Variants in JAK1 observed in about 807,000 individuals in gnomAD.
JAK1 encodes Janus kinase 1.
A neutral mutation model predicts 136.6 loss-of-function variants in JAK1; 16 were observed. The ratio of observed to expected loss-of-function variants is 0.12; its 90% CI spans 0.08 to 0.18. The LOEUF is 0.18. Ranked by LOEUF, JAK1 falls within the 10% of genes least tolerant of loss-of-function variation. JAK1 has a pLI of 1.00. For missense variants in JAK1, 859 were observed against 1,450.1 expected, an observed-to-expected ratio of 0.59 and a Z score of 6.62; for synonymous variants, 492 against 519.5, an observed-to-expected ratio of 0.95 and a Z score of 0.72.
intron 1 of JAK1, among the ~76,000 whole-genome samples, chr1:64,952,959 C>T (rs761608563): frequency 1.1e-4 from 17 of 152,178 alleles, no homozygotes; most frequent in Non-Finnish European, 2.4e-4. Flanking sequence ...AACTTGCCCA[C>T]GATCACTCAG....
chr1:64,965,925 GCT>G (rs1557732449), intron 1 of JAK1, among the ~76,000 whole-genome samples: 4 of 152,154 alleles, frequency 2.6e-5, no homozygotes, highest in African/African-American at 4.8e-5. Context: ...CCGGCCGGGA[GCT>G]GGCGGTCAAG....
chr1:65,002,031 T>C (rs1417544144), intron 2 of JAK1, among the ~76,000 whole-genome samples: 1 of 151,952 alleles, frequency 6.6e-6, no homozygotes, highest in African/African-American at 2.4e-5. Flanking sequence ...GTTAAAACTA[T>C]CTTATTTCAT....
intron 2 of JAK1, chr1:64,987,727 G>T (rs1313290355): frequency 6.6e-6 from 1 of 152,226 alleles, no homozygotes; most frequent in Non-Finnish European, 1.5e-5. Flanking sequence ...AGTGTGGTCA[G>T]TTTCAGGCAG....
At chr1:64,945,059 T>C (rs1645959840) in intron 1 of JAK1, among the ~76,000 whole-genome samples, 2 of 151,722 alleles carry the variant, frequency 1.3e-5, no homozygotes, top group African/African-American at 4.8e-5. Context: ...GCAGAACCCC[T>C]AGTCGCATAT....
chr1:65,063,064 C>T (rs143155242), intron 1 of JAK1, among the ~76,000 whole-genome samples: 5 of 152,310 alleles, frequency 3.3e-5, no homozygotes, highest in African/African-American at 9.6e-5. Flanking sequence ...CCTCTATTCA[C>T]GTTAGCATTG....
intron 1 of JAK1, among the ~76,000 whole-genome samples, chr1:65,055,001 T>C (rs1569960468): frequency 6.6e-6 from 1 of 152,232 alleles, no homozygotes; most frequent in Admixed American, 6.5e-5. Context: ...GTTATTATCC[T>C]GAATCTCTTT....
intron 1 of JAK1, among the ~76,000 whole-genome samples, chr1:64,962,048 G>A (rs1372276566): frequency 1.3e-5 from 2 of 152,314 alleles, no homozygotes; most frequent in African/African-American, 2.4e-5. Context: ...GCCATGAAGG[G>A]TTCTAGGAAA....
chr1:64,931,921 T>C (rs1212071569), intron 1 of JAK1, among the ~76,000 whole-genome samples: 1 of 151,812 alleles, frequency 6.6e-6, no homozygotes, highest in Admixed American at 6.6e-5. Flanking sequence ...GAAACCTAAA[T>C]GTATTTTTTA....
chr1:65,034,638 C>T (rs1647053654), intron 2 of JAK1, among the ~76,000 whole-genome samples: 1 of 152,078 alleles, frequency 6.6e-6, no homozygotes, highest in Admixed American at 6.5e-5. Flanking sequence ...TTGTTTTTCA[C>T]TTAAAAAAAA....
chr1:64,997,989 C>T (rs1646719475), intron 2 of JAK1, among the ~76,000 whole-genome samples: 1 of 151,986 alleles, frequency 6.6e-6, no homozygotes, highest in Non-Finnish European at 1.5e-5. Context: ...ACAAACTTTT[C>T]CAAACAGATC....
intron 2 of JAK1, among the ~76,000 whole-genome samples, chr1:65,015,989 T>C (rs1032841658): frequency 1.3e-5 from 2 of 152,184 alleles, no homozygotes; most frequent in Admixed American, 1.3e-4. Context: ...GGTATATACA[T>C]ACAATGGAAT....
intron 2 of JAK1, chr1:64,993,197 C>T (rs1646673873): frequency 6.6e-6 from 1 of 152,192 alleles, no homozygotes; most frequent in South Asian, 2.1e-4. Flanking sequence ...CACAATGTTG[C>T]ATACATGTTT....
intron 2 of JAK1, among the ~76,000 whole-genome samples, chr1:65,022,535 G>C (rs1324005227): frequency 1.3e-5 from 2 of 152,184 alleles, no homozygotes; most frequent in African/African-American, 2.4e-5. Flanking sequence ...ATAAGGCTGG[G>C]AGGTGGGGTG....
At position 64,834,012 on chromosome 1, in the gene JAK1, T is replaced by C. The variant is rs775649568; in HGVS notation, c.*550A>G. 10 of 232,808 alleles carry C rather than the reference T, an allele frequency of 4.3e-5. No homozygotes were observed. Among genetic ancestry groups the C allele is most frequent in the Non-Finnish European group, 7.6e-5 (9 of 117,838 alleles). The allele number at this position is 232,808 out of a possible 1,614,324, so 14.4% of individuals were successfully genotyped here. A position where few individuals can be genotyped will look rare whatever the true frequency, so the allele number is the denominator to read the frequency against. On this transcript the variant is annotated 3_prime_UTR_variant, in exon 25 of 25. Transcript: ENST00000342505. ...AGTTTAAGTCCTACTGGTGAGAGAATACAGTCATTTTTGTACAGAAACAAT... is the reference window on the plus strand; with the variant it reads ...AGTTTAAGTCCTACTGGTGAGAGAACACAGTCATTTTTGTACAGAAACAAT...
At chr1:64,933,558 C>CA (rs1200487673) in intron 1 of JAK1, among the ~76,000 whole-genome samples, 1 of 152,214 alleles carries the variant, frequency 6.6e-6, no homozygotes, top group Non-Finnish European at 1.5e-5. Flanking sequence ...TCTGCACCAT[C>CA]CCCTCAGCAA....
chr1:65,020,657 AT>A (rs1646930581), intron 2 of JAK1, among the ~76,000 whole-genome samples: 1 of 152,238 alleles, frequency 6.6e-6, no homozygotes, highest in South Asian at 2.1e-4. Context: ...CTTCACACAC[AT>A]TTTAATAAAT....
At chr1:64,962,273 G>C (rs1646295334) in intron 1 of JAK1, among the ~76,000 whole-genome samples, 1 of 152,200 alleles carries the variant, frequency 6.6e-6, no homozygotes, top group African/African-American at 2.4e-5. Flanking sequence ...ATGCTAGTGT[G>C]AATAGTACTG....
chr1:64,965,793 G>A (rs758953981), intron 1 of JAK1, among the ~76,000 whole-genome samples: 1 of 151,462 alleles, frequency 6.6e-6, no homozygotes, highest in African/African-American at 2.4e-5. Flanking sequence ...GTTCGCGGAC[G>A]CCCAACACCC....
intron 2 of JAK1, among the ~76,000 whole-genome samples, chr1:64,976,526 A>G (rs962795663): frequency 6.6e-6 from 1 of 152,190 alleles, no homozygotes; most frequent in Non-Finnish European, 1.5e-5. Flanking sequence ...CCTTGGCCAG[A>G]GTCCCCATCA....
Sources: gnomAD v4.1 joint callset for allele counts (sites outside exome capture counted in the v4.1 genomes callset) on GRCh38, gnomAD v4.1.1 for gene constraint, MANE v1.5 for transcripts, NCBI Gene and HGNC (gene_info 2026-07-23, HGNC 2026-07-21) for gene names.